SPAG16: variants seen among roughly 807,000 people sequenced by gnomAD.
SPAG16 encodes the protein sperm associated antigen 16, also known as sperm-associated antigen 16 protein.
Under a neutral mutation model 80.4 loss-of-function variants are expected in SPAG16, and 86 were observed. The observed-to-expected ratio is 1.07, with a 90% confidence interval of 0.90 to 1.28. The LOEUF is 1.28. SPAG16 is among the 50% of genes most tolerant of loss of function. The pLI is 0.00. For synonymous variants in SPAG16, 294 were observed against 265.9 expected (o/e 1.11, Z -1.03); for missense variants, 870 against 765.3 (o/e 1.14, Z -1.61).
At chr2:213,826,124 T>C (rs2073282347) in intron 10 of SPAG16, among the ~76,000 whole-genome samples, 1 of 152,004 alleles carries the variant, frequency 6.6e-6, no homozygotes, top group Non-Finnish European at 1.5e-5. Flanking sequence ...TCCCTGATTT[T>C]ATTTATTTGG....
At chr2:213,759,405 A>G (rs934967123) in intron 10 of SPAG16, among the ~76,000 whole-genome samples, 1 of 152,110 alleles carries the variant, frequency 6.6e-6, no homozygotes, top group Admixed American at 6.5e-5. Context: ...TACATAATTT[A>G]AGAGACTAAT....
At chr2:213,709,719 A>G (rs534175119) in intron 10 of SPAG16, among the ~76,000 whole-genome samples, 1 of 152,274 alleles carries the variant, frequency 6.6e-6, no homozygotes, top group South Asian at 2.1e-4. Flanking sequence ...AGTTCTTTTT[A>G]TATACCTGAT....
At chr2:214,345,092 AT>A (rs1283929413) in intron 15 of SPAG16, among the ~76,000 whole-genome samples, 7 of 152,302 alleles carry the variant, frequency 4.6e-5, no homozygotes, top group African/African-American at 1.7e-4. Context: ...GAAGAATGAA[AT>A]AGGTCAGTAG....
chr2:213,825,769 A>G (rs1009933141), intron 10 of SPAG16, among the ~76,000 whole-genome samples: 1 of 141,450 alleles, frequency 7.1e-6, no homozygotes, highest in African/African-American at 2.7e-5. Flanking sequence ...CAGTGGACTC[A>G]TATAATGGGT....
At chr2:213,597,208 T>C (rs1378293559) in intron 10 of SPAG16, among the ~76,000 whole-genome samples, 1 of 152,176 alleles carries the variant, frequency 6.6e-6, no homozygotes, top group Non-Finnish European at 1.5e-5. Flanking sequence ...ATTCATTCAT[T>C]CACATGTTGA....
chr2:214,213,411 C>T (rs546728745), intron 15 of SPAG16, among the ~76,000 whole-genome samples: 21 of 152,234 alleles, frequency 1.4e-4, no homozygotes, highest in African/African-American at 2.2e-4. Context: ...TGTGCAACAA[C>T]GCAAGGCAGT....
intron 10 of SPAG16, among the ~76,000 whole-genome samples, chr2:213,681,081 C>T (rs2064354394): frequency 6.6e-6 from 1 of 152,050 alleles, no homozygotes; most frequent in Non-Finnish European, 1.5e-5. Flanking sequence ...CTTATCAGAC[C>T]TAAAAGGGTA....
chr2:213,823,122 G>A (rs144727077), intron 10 of SPAG16, among the ~76,000 whole-genome samples: 149 of 152,162 alleles, frequency 9.8e-4, no homozygotes, highest in Middle Eastern at 3.4e-3. Context: ...TGGTATTTCT[G>A]GTTCTAGATC....
intron 13 of SPAG16, among the ~76,000 whole-genome samples, chr2:214,043,082 AG>A: frequency 6.6e-6 from 1 of 152,006 alleles, no homozygotes; most frequent in East Asian, 1.9e-4. Flanking sequence ...GGTACACCAA[AG>A]GTCACATATC....
chr2:213,968,858 G>A (rs1376854455), intron 12 of SPAG16, among the ~76,000 whole-genome samples: 1 of 152,264 alleles, frequency 6.6e-6, no homozygotes, highest in African/African-American at 2.4e-5. Context: ...TCTAACTTTT[G>A]TACATAGCAC....
chr2:213,861,626 C>T (rs966476996), intron 10 of SPAG16, among the ~76,000 whole-genome samples: 2 of 152,176 alleles, frequency 1.3e-5, no homozygotes, highest in African/African-American at 4.8e-5. Context: ...TTGGACACAT[C>T]TGTTCCCATT....
chr2:213,986,218 G>A (rs970880256), intron 12 of SPAG16, among the ~76,000 whole-genome samples: 3 of 152,054 alleles, frequency 2.0e-5, no homozygotes, highest in Non-Finnish European at 4.4e-5. Context: ...GAATTGCCCA[G>A]CGTCCAGGAA....
intron 12 of SPAG16, among the ~76,000 whole-genome samples, chr2:213,956,673 C>A (rs1286486231): frequency 1.3e-5 from 2 of 151,976 alleles, no homozygotes; most frequent in Non-Finnish European, 2.9e-5. Context: ...GTGTCAAACT[C>A]CTGACCCCAA....
chr2:214,043,683 C>G (rs531503852), intron 13 of SPAG16, among the ~76,000 whole-genome samples: 24 of 152,196 alleles, frequency 1.6e-4, no homozygotes, highest in African/African-American at 4.8e-4. Flanking sequence ...GACTTCATGC[C>G]TTACGATTCA....
At chr2:214,192,018 G>C (rs962443661) in intron 15 of SPAG16, among the ~76,000 whole-genome samples, 3 of 151,976 alleles carry the variant, frequency 2.0e-5, no homozygotes, top group Non-Finnish European at 4.4e-5. Context: ...CAAAAGAATG[G>C]ATTAGTAAGG....
At chr2:214,205,284 C>T (rs569757494) in intron 15 of SPAG16, among the ~76,000 whole-genome samples, 56 of 152,108 alleles carry the variant, frequency 3.7e-4, no homozygotes, top group Non-Finnish European at 6.9e-4. Flanking sequence ...AGGGAAAAAT[C>T]TTCAGTGAAA....
chr2:214,390,341 T>TTAAAA (rs1300923316), intron 15 of SPAG16, among the ~76,000 whole-genome samples: 17 of 125,464 alleles, frequency 1.4e-4, no homozygotes, highest in African/African-American at 4.7e-4. Flanking sequence ...CTTTTTTTTT[T>TTAAAA]AAAAAAAAAA....
At chr2:213,868,029 A>G (rs1261224068) in intron 11 of SPAG16, among the ~76,000 whole-genome samples, 2 of 151,646 alleles carry the variant, frequency 1.3e-5, no homozygotes, top group Non-Finnish European at 2.9e-5. Context: ...TTTCTGGATT[A>G]TACCAAACTC....
chr2:213,700,053 T>A (rs1388184625), intron 10 of SPAG16, among the ~76,000 whole-genome samples: 1 of 152,228 alleles, frequency 6.6e-6, no homozygotes, highest in Non-Finnish European at 1.5e-5. Flanking sequence ...ATGATTACAG[T>A]TCTCTTTGTG....
Sources: gnomAD v4.1 joint callset for allele counts (sites outside exome capture counted in the v4.1 genomes callset) on GRCh38, gnomAD v4.1.1 for gene constraint, MANE v1.5 for transcripts, NCBI Gene and HGNC (gene_info 2026-07-23, HGNC 2026-07-21) for gene names.